NUMA1: variants seen among roughly 807,000 people sequenced by gnomAD.
NUMA1 encodes the protein SP-H antigen.
Under a neutral mutation model 237.1 loss-of-function variants are expected in NUMA1, and 62 were observed. That is an observed-to-expected ratio of 0.26 (90% CI 0.21 to 0.32). The LOEUF (loss-of-function observed/expected upper bound fraction) is 0.32, where lower values mean the gene tolerates loss of function less well. NUMA1 is among the 10% of genes least tolerant of loss of function. The pLI is 1.00. For missense variants in NUMA1, 2,533 were observed against 2,666.5 expected (o/e 0.95, Z 1.10); for synonymous variants, 1,028 against 1,066.1 (o/e 0.96, Z 0.70).
rs150123720 is a variant in NUMA1, at chr11:72,017,773, T to A, written c.1033A>T (p.Thr345Ser). 1.4e-4 allele frequency: 220 copies of A among 1,612,942 alleles called. No individual in the cohort carries two copies. Among genetic ancestry groups the A allele is most frequent in the Admixed American group, 2.0e-4 (12 of 59,998 alleles). ...TGAGTGGCCTTGCTGTGCTCCTCCG[T>A]CAGCTCATTGAGGGCATCCTGTAGC... ...QQLQDALNELTEEHSKATQEW... is the reference protein window; with the variant it reads ...QQLQDALNELSEEHSKATQEW... The change falls in exon 13 of 27, where the codon ACG becomes TCG. Residue 345 changes from threonine to serine, a missense_variant. Physicochemically the swap from Thr to Ser is moderately conservative, Grantham distance 58. Transcript: ENST00000393695.
chr11:72,023,223 G>A (rs948319768), intron 5 of NUMA1, 76 bp from the exon 6 acceptor site: 41 of 1,102,718 alleles, frequency 3.7e-5, no homozygotes, highest in Non-Finnish European at 4.7e-5. Flanking sequence ...ACTGAAATCT[G>A]GGGAGCAGAA....
Position 72,015,029 on chromosome 11 carries a change from G to A in NUMA1, c.2474C>T (p.Ala825Val), listed in dbSNP as rs989808757. The stretch of plus-strand genomic sequence containing the variant: ...TTCCTGGAACATGGCGCCATACTGT[G>A]CCTCCTCTTGCTGGCTATCCTCATA... Reference protein sequence around the residue: ...ERYEDSQQEEAQYGAMFQEQL... With the variant: ...ERYEDSQQEEVQYGAMFQEQL... Residue 825 changes from alanine (A) to valine (V), a missense_variant, in exon 15 of 27, where the codon GCA (alanine) becomes GTA (valine). By Grantham distance (64) the Ala-to-Val change is moderately conservative. Around this residue, in one of 3 missense-constraint regions of NUMA1, gnomAD observed 1,414 missense variants for 1,508.1 expected, o/e 0.94. Transcript: ENST00000393695. This position sits in a 1 kb window ranked among gnomAD's most constrained non-coding sequence, Gnocchi z 4.0. The A allele has an allele frequency of 1.9e-6, 3 of 1,614,050 alleles. No individual in the cohort carries two copies. In the Admixed American group the frequency reaches 5.0e-5, roughly 27 times the overall value.
chr11:72,022,458 T>A (rs372604943), intron 6 of NUMA1, 39 bp from the exon 7 acceptor site: 126 of 1,399,422 alleles, frequency 9.0e-5, no homozygotes, highest in Non-Finnish European at 1.2e-4. Flanking sequence ...AGTGGGGCTG[T>A]CTCTCTTCTC....
At chr11:72,028,427 A>C (rs1939853783) in intron 4 of NUMA1, among the ~76,000 whole-genome samples, 1 of 146,102 alleles carries the variant, frequency 6.8e-6, no homozygotes, top group Non-Finnish European at 1.5e-5. Flanking sequence ...GGCCTGGGGC[A>C]AACAATCTAA....
intron 2 of NUMA1, among the ~76,000 whole-genome samples, chr11:72,068,866 T>C (rs896126422): frequency 1.3e-5 from 2 of 152,204 alleles, no homozygotes; most frequent in African/African-American, 4.8e-5. Context: ...ACAGAAAAAT[T>C]CGGTGTTACT....
chr11:72,028,070 A>AAC (rs1939806479), intron 4 of NUMA1, among the ~76,000 whole-genome samples: 1 of 151,794 alleles, frequency 6.6e-6, no homozygotes, highest in African/African-American at 2.4e-5. Flanking sequence ...ACCCACGATC[A>AAC]ACACACACTT....
intron 2 of NUMA1, among the ~76,000 whole-genome samples, chr11:72,048,102 G>GT (rs1184797190): frequency 6.6e-6 from 1 of 151,860 alleles, no homozygotes; most frequent in East Asian, 1.9e-4. Flanking sequence ...ATTCTTTTTT[G>GT]TTTTTTTCTT....
At chr11:72,011,626 G>C (rs1437561576) in intron 16 of NUMA1, among the ~76,000 whole-genome samples, 1 of 152,170 alleles carries the variant, frequency 6.6e-6, no homozygotes. Flanking sequence ...CTCCTTAGAG[G>C]AGGGCCCAAT....
Position 72,018,885 on chromosome 11 carries a change from C to T in NUMA1, c.680G>A (p.Arg227Lys). The T allele has an allele frequency of 6.2e-7, 1 of 1,613,964 alleles. No individual in the cohort carries two copies. The highest frequency in any genetic ancestry group is 8.5e-7 in the Non-Finnish European group (1 of 1,180,010). The change falls in exon 10 of 27, where the codon AGA (arginine) becomes AAA (lysine). Residue 227 changes from arginine to lysine, a missense_variant. Transcript: ENST00000393695. The part of the protein sequence containing the change: ...RRLKKQLADE[R>K]SNRDELELEL... ...CAGCTCCAGCTCATCCCTATTACTT[C>T]TCTCATCAGCAAGCTGCTTCTTCAG...
At chr11:72,046,046 C>T (rs1196997668) in intron 2 of NUMA1, among the ~76,000 whole-genome samples, 1 of 152,206 alleles carries the variant, frequency 6.6e-6, no homozygotes, top group Non-Finnish European at 1.5e-5. Flanking sequence ...TGCAAAGCTG[C>T]CAAGTTTCTG....
chr11:72,005,416 G>GC, intron 22 of NUMA1, 47 bp from the exon 23 acceptor site: 1 of 1,584,446 alleles, frequency 6.3e-7, no homozygotes, highest in Non-Finnish European at 8.6e-7. Context: ...GAGTCGGCAG[G>GC]TCACCTCCTG....
Position 72,015,042 on chromosome 11 carries a change from G to A in NUMA1, c.2461C>T (p.Gln821Ter). The change falls in exon 15 of 27, where the codon CAG becomes TAG. Residue 821 changes from glutamine (Q) to a stop codon, truncating the protein, a stop_gained. Coordinates refer to ENST00000393695, the MANE Select transcript of NUMA1 (RefSeq NM_006185.4). LOFTEE classifies it high-confidence loss of function. This position sits in a 1 kb window ranked among gnomAD's most constrained non-coding sequence, Gnocchi z 4.0. ...GCGCCATACTGTGCCTCCTCTTGCT[G>A]GCTATCCTCATACCGCTCACGCCAG... The part of the protein sequence containing the change: ...AAWRERYEDS[Q>*]QEEAQYGAMF... 1 of 1,614,102 alleles carries A rather than the reference G, an allele frequency of 6.2e-7. No individual in the cohort carries two copies. The highest frequency in any genetic ancestry group is 8.5e-7 in the Non-Finnish European group (1 of 1,180,032).
rs1337330457 is a variant in NUMA1 at position 72,004,037 on chromosome 11, G to C, written c.6186C>G (p.Ser2062Arg). The change falls in exon 26 of 27, where the codon AGC (serine) becomes AGG (arginine). Residue 2062 changes from serine (S) to arginine (R), a missense_variant. Ser to Arg is a moderately radical substitution (Grantham distance 110). Transcript: ENST00000393695. ...ILNTPKKLGN[S>R]LLRRGASKKA... ...TCTTTGAGGCTCCCCGCCGCAGAAG[G>C]CTGTTCCCTAGCTTCTTGGGTGTGT... is the stretch of plus-strand genomic sequence containing the variant. The C allele has an allele frequency of 1.9e-6, 3 of 1,613,754 alleles. No individual in the cohort carries two copies. The highest frequency in any genetic ancestry group is 2.5e-6 in the Non-Finnish European group (3 of 1,179,828).
chr11:72,063,746 G>A (rs1943068931), intron 2 of NUMA1, among the ~76,000 whole-genome samples: 1 of 149,900 alleles, frequency 6.7e-6, no homozygotes, highest in Non-Finnish European at 1.5e-5. Flanking sequence ...GTGAGACCAT[G>A]TCTCTACAAA....
At chr11:72,005,732 C>T (rs1321883065) in intron 22 of NUMA1, 1 of 498,044 alleles carries the variant, frequency 2.0e-6, no homozygotes, top group East Asian at 3.6e-5. Flanking sequence ...GTCTGGCCAG[C>T]CTGGCCTTTC....
Position 72,015,728 on chromosome 11 carries a change from C to A in NUMA1, c.1775G>T (p.Arg592Leu). The A allele has an allele frequency of 3.7e-6, 6 of 1,614,194 alleles. No individual in the cohort carries two copies. The highest frequency in any genetic ancestry group is 5.1e-6 in the Non-Finnish European group (6 of 1,180,048). ...ATCCCGCTCCCTTAAGGAGGCCTCT[C>A]GCTCCTCTGCAGCAGTGGCCAGTTG... ...AQQLATAAEE[R>L]EASLRERDAA... Residue 592 changes from arginine (R) to leucine (L), a missense_variant, in exon 15 of 27, where the codon CGA becomes CTA. Transcript: ENST00000393695. This position sits in a 1 kb window ranked among gnomAD's most constrained non-coding sequence, Gnocchi z 4.0.
chr11:72,042,471 G>A (rs1314199076), intron 2 of NUMA1, among the ~76,000 whole-genome samples: 3 of 152,190 alleles, frequency 2.0e-5, no homozygotes, highest in Admixed American at 2.0e-4. Context: ...AATAGGGAAG[G>A]ATTACGAAAA....
At chr11:72,024,189 C>T in intron 5 of NUMA1, 85 bp downstream of exon 5, 3 of 1,206,178 alleles carry the variant, frequency 2.5e-6, no homozygotes, top group Middle Eastern at 2.4e-4. Flanking sequence ...CTCCTCCAGA[C>T]ACCCATGAAC....
At chr11:72,031,992 G>A (rs28569089) in intron 3 of NUMA1, among the ~76,000 whole-genome samples, 2 of 22,800 alleles carry the variant, frequency 8.8e-5, no homozygotes, top group Admixed American at 4.0e-4. Context: ...AAAAAAAAGA[G>A]AGAGAAAGGA....
Sources: allele counts gnomAD v4.1 joint callset (sites outside exome capture counted in the v4.1 genomes callset), GRCh38; gene constraint gnomAD v4.1.1; regional missense constraint gnomAD v4.1.1; non-coding constraint Gnocchi (gnomAD v3.1); transcripts MANE v1.5; gene names NCBI Gene and HGNC (gene_info 2026-07-23, HGNC 2026-07-21).